NTNG1: variants seen among roughly 807,000 people sequenced by gnomAD.
NTNG1 encodes the protein netrin-G1.
In NTNG1, 16 loss-of-function variants were observed where a neutral mutation model predicts 54.0. That is an observed-to-expected ratio of 0.30 (90% CI 0.20 to 0.45). NTNG1 has a LOEUF of 0.45. Ranked by LOEUF, NTNG1 falls within the 20% of genes least tolerant of loss-of-function variation. NTNG1 has a pLI of 1.00. For missense variants in NTNG1, 530 were observed against 678.7 expected, an observed-to-expected ratio of 0.78 and a Z score of 2.43; for synonymous variants, 255 against 263.1, an observed-to-expected ratio of 0.97 and a Z score of 0.30.
intron 5 of NTNG1, among the ~76,000 whole-genome samples, chr1:107,427,060 A>G (rs984844637): frequency 6.6e-6 from 1 of 152,118 alleles, no homozygotes; most frequent in Admixed American, 6.6e-5. Flanking sequence ...TAAGTCGGCA[A>G]TCAGTCTAGG....
intron 3 of NTNG1, among the ~76,000 whole-genome samples, chr1:107,354,567 C>T (rs567555815): frequency 4.6e-5 from 7 of 151,778 alleles, no homozygotes; most frequent in Middle Eastern, 6.9e-3. Flanking sequence ...AAACCTGTAG[C>T]GCTCAGCTGC....
At chr1:107,343,456 G>A (rs1416789639) in intron 3 of NTNG1, among the ~76,000 whole-genome samples, 1 of 151,850 alleles carries the variant, frequency 6.6e-6, no homozygotes, top group Admixed American at 6.6e-5. Context: ...GAAGCCAAAT[G>A]CAAGGTATGA....
At chr1:107,202,438 T>G (rs540488141) in intron 2 of NTNG1, among the ~76,000 whole-genome samples, 1 of 152,060 alleles carries the variant, frequency 6.6e-6, no homozygotes, top group South Asian at 2.1e-4. Context: ...GTGATAGCAC[T>G]GTGTAATAGC....
In NTNG1 at chr1:107,436,810, C is replaced by T. The variant is rs748114035; in HGVS notation, c.1390+11C>T. The T allele has an allele frequency of 3.0e-5, 48 of 1,612,616 alleles. 1 individual carries two copies. In the South Asian group the frequency reaches 4.1e-4, roughly 14 times the overall value. On this transcript the variant is annotated intron_variant, in intron 7 of 7. Transcript: ENST00000370068. ...ACTACGGCTGTCAACGTAAGTAACT[C>T]TGGGAGCTGCCCTCTGCCTGCTGCA... is the stretch of plus-strand genomic sequence containing the variant.
At chr1:107,165,085 G>A (rs1371902739) in intron 2 of NTNG1, among the ~76,000 whole-genome samples, 2 of 152,108 alleles carry the variant, frequency 1.3e-5, no homozygotes, top group Non-Finnish European at 2.9e-5. Context: ...GGTCAGAGAA[G>A]GTGACCAGGA....
chr1:107,338,704 C>T lies in NTNG1; in HGVS notation c.887+13782C>T, dbSNP rs539611425. On this transcript the variant is annotated intron_variant, in intron 3 of 7. Coordinates refer to ENST00000370068, the MANE Select transcript of NTNG1 (RefSeq NM_001113226.3). ...AGCATGTCTTATCATGCTGACTCTC[C>T]GGTTCACAACAACTACAAACTCTGA... 4.6e-5 allele frequency among the ~76,000 whole-genome samples: 7 copies of T among 151,788 alleles called. No homozygotes were observed. In the East Asian group the frequency reaches 5.8e-4, roughly 13 times the overall value.
chr1:107,176,196 T>A (rs891043169), intron 2 of NTNG1, among the ~76,000 whole-genome samples: 15 of 152,166 alleles, frequency 9.9e-5, no homozygotes, highest in Non-Finnish European at 2.1e-4. Context: ...GTAGGAGAGA[T>A]TGATTTAGGG....
At chr1:107,199,919 G>A (rs1284201564) in intron 2 of NTNG1, among the ~76,000 whole-genome samples, 4 of 151,858 alleles carry the variant, frequency 2.6e-5, no homozygotes, top group African/African-American at 7.2e-5. Context: ...TAACCTTCTG[G>A]ACCAGGATTT....
rs1667851844 is a variant in NTNG1 at position 107,324,789 on chromosome 1, A to G, written c.754A>G (p.Lys252Glu). The change falls in exon 3 of 8, where the codon AAA becomes GAA. Residue 252 changes from lysine (K) to glutamate (E), a missense_variant. Lys to Glu is a moderately conservative substitution (Grantham distance 56). Coordinates refer to ENST00000370068, the MANE Select transcript of NTNG1 (RefSeq NM_001113226.3). ...SLYGQLDTTK[K>E]LRDFFTVTDL... ...CTACGGACAGCTGGATACAACCAAG[A>G]AACTCAGAGATTTCTTTACAGTCAC... 1.2e-6 allele frequency: 2 copies of G among 1,613,536 alleles called. No homozygotes were observed. Among genetic ancestry groups the G allele is most frequent in the Non-Finnish European group, 8.5e-7 (1 of 1,179,782 alleles).
At chr1:107,287,435 G>T (rs1172424479) in intron 2 of NTNG1, among the ~76,000 whole-genome samples, 2 of 152,156 alleles carry the variant, frequency 1.3e-5, no homozygotes, top group Non-Finnish European at 2.9e-5. Flanking sequence ...TGCTTGGCAT[G>T]CATGCCGGAA....
chr1:107,250,107 T>A (rs1015097546), intron 2 of NTNG1, among the ~76,000 whole-genome samples: 1 of 152,212 alleles, frequency 6.6e-6, no homozygotes, highest in Non-Finnish European at 1.5e-5. Context: ...TTGGCACAAA[T>A]TTATACCTTT....
Position 107,484,036 on chromosome 1 carries a change from C to A in NTNG1, c.*3196C>A, listed in dbSNP as rs371727256. 6.6e-6 allele frequency among the ~76,000 whole-genome samples: 1 copy of A among 152,152 alleles called. No individual in the cohort carries two copies. Among genetic ancestry groups the A allele is most frequent in the East Asian group, 1.9e-4 (1 of 5,184 alleles). On this transcript the variant is annotated 3_prime_UTR_variant, in exon 8 of 8. Transcript: ENST00000370068. ...ACCTAGAGTTTCCTACTCAGATAAC[C>A]GCCCCCCACACGCACACTTTTAGGC...
chr1:107,188,115 C>A (rs1181612058), intron 2 of NTNG1, among the ~76,000 whole-genome samples: 1 of 151,992 alleles, frequency 6.6e-6, no homozygotes, highest in Non-Finnish European at 1.5e-5. Flanking sequence ...TCTTATTTGA[C>A]AGTTTTTAAT....
chr1:107,363,918 T>G (rs1349998036), intron 3 of NTNG1, among the ~76,000 whole-genome samples: 4 of 152,208 alleles, frequency 2.6e-5, no homozygotes, highest in Non-Finnish European at 5.9e-5. Context: ...TTATTTTGTG[T>G]TGTTGGTCTA....
chr1:107,243,908 C>T (rs1043575894), intron 2 of NTNG1, among the ~76,000 whole-genome samples: 6 of 152,004 alleles, frequency 3.9e-5, no homozygotes, highest in Non-Finnish European at 7.4e-5. Flanking sequence ...TTTGTTAAAA[C>T]TAGGCATTTT....
chr1:107,248,925 G>A (rs1332686511), intron 2 of NTNG1, among the ~76,000 whole-genome samples: 1 of 151,112 alleles, frequency 6.6e-6, no homozygotes, highest in African/African-American at 2.4e-5. Flanking sequence ...AAGACAGGCG[G>A]ATCATCTGAG....
At chr1:107,223,186 C>T (rs1660461085) in intron 2 of NTNG1, among the ~76,000 whole-genome samples, 1 of 152,076 alleles carries the variant, frequency 6.6e-6, no homozygotes, top group Middle Eastern at 3.4e-3. Context: ...TCAGTTTCTA[C>T]CCTTATTAAA....
intron 5 of NTNG1, among the ~76,000 whole-genome samples, chr1:107,411,668 G>T (rs1353554591): frequency 6.6e-6 from 1 of 151,988 alleles, no homozygotes; most frequent in African/African-American, 2.4e-5. Context: ...AACTAATTAG[G>T]TTTTATGTAA....
intron 7 of NTNG1, among the ~76,000 whole-genome samples, chr1:107,451,871 G>A (rs1676647136): frequency 1.3e-5 from 2 of 152,112 alleles, no homozygotes. Context: ...ACGTGAAATC[G>A]TAGAGTGAAA....
Sources: allele counts gnomAD v4.1 joint callset (sites outside exome capture counted in the v4.1 genomes callset), GRCh38; gene constraint gnomAD v4.1.1; transcripts MANE v1.5; gene names NCBI Gene and HGNC (gene_info 2026-07-23, HGNC 2026-07-21).